HDGFL2: variants seen among roughly 807,000 people sequenced by gnomAD.
HDGFL2 encodes the protein HDGF like 2.
HDGFL2 carries 36 observed loss-of-function variants against 77.1 expected under a neutral mutation model. The observed-to-expected ratio is 0.47, with a 90% CI of 0.36 to 0.62. The LOEUF (loss-of-function observed/expected upper bound fraction) is 0.62, where lower values mean the gene tolerates loss of function less well. HDGFL2 is among the 20% of genes least tolerant of loss of function. HDGFL2 has a pLI of 0.00. For synonymous variants in HDGFL2, 463 were observed against 413.1 expected, an observed-to-expected ratio of 1.12 and a Z score of -1.46; for missense variants, 976 against 973.4, an observed-to-expected ratio of 1.00 and a Z score of -0.04.
intron 3 of HDGFL2, among the ~76,000 whole-genome samples, chr19:4,482,605 C>A (rs781265667): frequency 6.6e-6 from 1 of 152,146 alleles, no homozygotes; most frequent in Admixed American, 6.6e-5. Context: ...CCCAATTTGC[C>A]GGGATTACAG....
chr19:4,475,905 T>C (rs1975059933), intron 3 of HDGFL2, among the ~76,000 whole-genome samples: 1 of 151,770 alleles, frequency 6.6e-6, no homozygotes, highest in African/African-American at 2.4e-5. Context: ...TTTTTTTTTT[T>C]TTGAGACAGA....
chr19:4,498,118 T>A, intron 11 of HDGFL2, 87 bp downstream of exon 11: 1 of 1,303,204 alleles, frequency 7.7e-7, no homozygotes, highest in Non-Finnish European at 1.1e-6. Flanking sequence ...GTCCCGCCTG[T>A]CCCTAGAGAG....
intron 9 of HDGFL2, 123 bp from the exon 10 acceptor site, chr19:4,496,179 C>A (rs2145208260): frequency 2.6e-6 from 2 of 776,832 alleles, no homozygotes; most frequent in South Asian, 1.6e-5. Flanking sequence ...TGCCCCAGCA[C>A]CTTCAAACAG....
Position 4,493,994 on chromosome 19 carries a change from T to G in HDGFL2, c.851T>G (p.Leu284Arg). 6.2e-7 allele frequency: 1 copy of G among 1,610,518 alleles called. No homozygotes were observed. Among genetic ancestry groups the G allele is most frequent in the Non-Finnish European group, 8.5e-7 (1 of 1,178,830 alleles). Residue 284 changes from leucine to arginine, a missense_variant, in exon 8 of 16, where the codon CTC becomes CGC. Physicochemically the swap from Leu to Arg is moderately radical, Grantham distance 102 (BLOSUM62 -2). This residue lies in a region of HDGFL2 where 567 missense variants were observed against 534.7 expected (regional missense o/e 1.06). Transcript: ENST00000616600. ...PRGRKPAEKP[L>R]PKPRGRKPKP... ...CCTCTTCCTGTAGCGGAGAAGCCTC[T>G]CCCGAAGCCGCGAGGGCGGAAACCG... is the stretch of plus-strand genomic sequence containing the variant.
intron 3 of HDGFL2, among the ~76,000 whole-genome samples, chr19:4,482,429 C>G (rs975296445): frequency 6.6e-6 from 1 of 152,014 alleles, no homozygotes; most frequent in African/African-American, 2.4e-5. Flanking sequence ...AGGCTGATCT[C>G]GAACTCCTGA....
intron 14 of HDGFL2, among the ~76,000 whole-genome samples, chr19:4,500,538 G>T (rs1282685404): frequency 6.8e-6 from 1 of 147,414 alleles, no homozygotes; most frequent in Non-Finnish European, 1.5e-5. Context: ...TTGGCTCACT[G>T]CAAGCTCCGC....
In HDGFL2 at chr19:4,493,628, C is replaced by T. The variant is rs1975608330; in HGVS notation, c.679-75C>T. The T allele has an allele frequency of 4.5e-6, 6 of 1,320,918 alleles. No individual in the cohort carries two copies. The South Asian group carries it at 1.4e-4, about 30-fold the overall frequency. 81.8% of individuals were successfully genotyped at this position (1,320,918 alleles called of 1,614,324 possible). ...CCTGGCGGCTGCAGGGGTGCGGGAG[C>T]CTCCTCTGGCCTGGTGCGCCCCGCT... On this transcript the variant is annotated intron_variant, in intron 6 of 15. Transcript: ENST00000616600.
chr19:4,498,112 C>T lies in HDGFL2; in HGVS notation c.1402+81C>T, dbSNP rs896013990. The T allele has an allele frequency of 2.6e-5, 35 of 1,339,486 alleles. No homozygotes were observed. In the South Asian group the frequency reaches 3.1e-4, roughly 12 times the overall value. 83.0% of individuals were successfully genotyped at this position (1,339,486 alleles called of 1,614,324 possible). ...CAGCCGTGGCGTGGCTGGCCTGTCC[C>T]GCCTGTCCCTAGAGAGGGTGCTCAG... is the stretch of plus-strand genomic sequence containing the variant. On this transcript the variant is annotated intron_variant, in intron 11 of 15. Coordinates refer to ENST00000616600, the MANE Select transcript of HDGFL2 (RefSeq NM_001001520.3).
rs1975764076 is a variant in HDGFL2 at position 4,498,320 on chromosome 19, G to A, written c.1417G>A (p.Glu473Lys). 3 of 1,613,590 alleles carry A rather than the reference G, an allele frequency of 1.9e-6. No individual in the cohort carries two copies. The highest frequency in any genetic ancestry group is 2.2e-5 in the South Asian group (2 of 91,070). Residue 473 changes from glutamate (E) to lysine (K), a missense_variant, in exon 12 of 16, where the codon GAG becomes AAG. Coordinates refer to ENST00000616600, the MANE Select transcript of HDGFL2 (RefSeq NM_001001520.3). Reference sequence around the variant, plus strand: ...TCCTGGCCCAGAGCCCTCCGTGGAGGAGAAGCTGCAGAAGCTGCACAGTGA... The same window carrying A: ...TCCTGGCCCAGAGCCCTCCGTGGAGAAGAAGCTGCAGAAGCTGCACAGTGA... Reference protein sequence around the residue: ...VEKKKEPSVEEKLQKLHSEIK... With the variant: ...VEKKKEPSVEKKLQKLHSEIK...
chr19:4,489,184 C>T (rs1256329468), intron 4 of HDGFL2, among the ~76,000 whole-genome samples: 1 of 151,880 alleles, frequency 6.6e-6, no homozygotes, highest in Non-Finnish European at 1.5e-5. Flanking sequence ...AACTCCTGAC[C>T]TCAGGTGATC....
In HDGFL2 at chr19:4,494,211, C is replaced by A. The variant is rs776316604; in HGVS notation, c.960C>A (p.Asp320Glu). Residue 320 changes from aspartate to glutamate, a missense_variant, in exon 9 of 16, where the codon GAC (aspartate) becomes GAA (glutamate). Physicochemically the swap from Asp to Glu is conservative, Grantham distance 45. Around this residue, in one of 5 missense-constraint regions of HDGFL2, gnomAD observed 567 missense variants for 534.7 expected, o/e 1.06. Coordinates refer to ENST00000616600, the MANE Select transcript of HDGFL2 (RefSeq NM_001001520.3). Reference protein sequence around the residue: ...VDRISEWKRRDEARRRELEAR... With the variant: ...VDRISEWKRREEARRRELEAR... Reference sequence around the variant, plus strand: ...GCATCAGTGAGTGGAAGCGGCGGGACGAGGCGCGGAGGCGCGAGCTGGAGG... The same window carrying A: ...GCATCAGTGAGTGGAAGCGGCGGGAAGAGGCGCGGAGGCGCGAGCTGGAGG... The A allele has an allele frequency of 1.4e-6, 2 of 1,471,982 alleles. No homozygotes were observed. The highest frequency in any genetic ancestry group is 1.8e-6 in the Non-Finnish European group (2 of 1,115,438). The allele number at this position is 1,471,982 out of a possible 1,614,324, so 91.2% of individuals were successfully genotyped here. A position where few individuals can be genotyped will look rare whatever the true frequency, so the allele number is the denominator to read the frequency against.
At chr19:4,487,957 AG>A (rs1975404847) in intron 3 of HDGFL2, among the ~76,000 whole-genome samples, 1 of 148,348 alleles carries the variant, frequency 6.7e-6, no homozygotes, top group South Asian at 2.2e-4. Context: ...AAAAAAAAAA[AG>A]GAACCATTTC....
Position 4,498,794 on chromosome 19 carries a change from A to G in HDGFL2, c.1474-20A>G. 1 of 1,569,706 alleles carries G rather than the reference A, an allele frequency of 6.4e-7. No homozygotes were observed. The highest frequency in any genetic ancestry group is 1.1e-5 in the South Asian group (1 of 87,600). ...ATCCCTTGGCCAGGCCGTCTCCCTC[A>G]CTCCCACCCCACCCTGCAGGACGTG... On this transcript the variant is annotated intron_variant, in intron 12 of 15. Transcript: ENST00000616600.
At chr19:4,477,415 G>A (rs1483615519) in intron 3 of HDGFL2, among the ~76,000 whole-genome samples, 1 of 152,152 alleles carries the variant, frequency 6.6e-6, no homozygotes, top group Non-Finnish European at 1.5e-5. Flanking sequence ...AACACCCATG[G>A]TGTGTCTAGG....
chr19:4,493,795 C>CTCCTCT lies in HDGFL2; in HGVS notation c.777_782dup (p.Ser263_Ser264dup). 2.6e-6 allele frequency: 4 copies of CTCCTCT among 1,542,884 alleles called. No homozygotes were observed. Among genetic ancestry groups the CTCCTCT allele is most frequent in the Non-Finnish European group, 3.5e-6 (4 of 1,141,244 alleles). ...CCATGGCGCGGTCGGCGTCCTCCTC[C>CTCCTCT]TCCTCTTCCTCCTCCTCCTCCGACT... On this transcript the variant is annotated inframe_insertion, in exon 7 of 16. Transcript: ENST00000616600.
In HDGFL2 at chr19:4,475,504, A is replaced by G. The variant is rs367714402; in HGVS notation, c.209A>G (p.Lys70Arg). 2.5e-6 allele frequency: 4 copies of G among 1,605,832 alleles called. No homozygotes were observed. In the African/African-American group the frequency reaches 5.4e-5, roughly 22 times the overall value. Residue 70 changes from lysine (K) to arginine (R), a missense_variant, in exon 3 of 16, where the codon AAG becomes AGG. This residue lies in a region of HDGFL2 where 103 missense variants were observed against 145.7 expected (regional missense o/e 0.71). Transcript: ENST00000616600. ...GACAAATGTAAAGACAAGTACGGGA[A>G]GCCCAACAAGAGGAAAGGCTTCAAT... is the stretch of plus-strand genomic sequence containing the variant. Reference protein sequence around the residue: ...PYDKCKDKYGKPNKRKGFNEG... With the variant: ...PYDKCKDKYGRPNKRKGFNEG...
rs1215610914 is a variant in HDGFL2, at chr19:4,502,130, T to TG, written c.*123dup. On this transcript the variant is annotated 3_prime_UTR_variant, in exon 16 of 16. Transcript: ENST00000616600. ...GCTGTGCTGTTTGTATTTGTTCCCTTGGGTTTTTTTTTCCTGCCTAATTTC... is the reference window on the plus strand; with the variant it reads ...GCTGTGCTGTTTGTATTTGTTCCCTTGGGGTTTTTTTTTCCTGCCTAATTTC... The TG allele has an allele frequency of 3.9e-6, 3 of 777,044 alleles. No homozygotes were observed. Among genetic ancestry groups the TG allele is most frequent in the Non-Finnish European group, 6.5e-6 (3 of 458,486 alleles). The allele number at this position is 777,044 out of a possible 1,614,324, so 48.1% of individuals were successfully genotyped here.
intron 6 of HDGFL2, 94 bp downstream of exon 6, chr19:4,491,929 A>T: frequency 8.1e-6 from 9 of 1,110,472 alleles, no homozygotes; most frequent in Non-Finnish European, 1.2e-5. Context: ...CCATTTCTGG[A>T]GGGGGTGGGA....
Position 4,497,979 on chromosome 19 carries a change from C to A in HDGFL2, c.1350C>A (p.Thr450=). The change falls in exon 11 of 16, where the codon ACC becomes ACA. Residue 450 remains threonine, a synonymous_variant. Coordinates refer to ENST00000616600, the MANE Select transcript of HDGFL2 (RefSeq NM_001001520.3). ...ACAGGCCCGTGAAGGTGGAGCGGAC[C>A]CGGAAGCGGTCCGAGGGCTTCTCGA... ...QQAKPVKVER[T]RKRSEGFSMD... 6.4e-7 allele frequency: 1 copy of A among 1,555,356 alleles called. No individual in the cohort carries two copies. Among genetic ancestry groups the A allele is most frequent in the East Asian group, 2.4e-5 (1 of 41,386 alleles).
Sources: allele counts gnomAD v4.1 joint callset (sites outside exome capture counted in the v4.1 genomes callset), GRCh38; gene constraint gnomAD v4.1.1; regional missense constraint gnomAD v4.1.1; transcripts MANE v1.5; gene names NCBI Gene and HGNC (gene_info 2026-07-23, HGNC 2026-07-21).